ICA1: variants seen among roughly 807,000 people sequenced by gnomAD.
ICA1 encodes islet cell autoantigen 1.
In ICA1, 40 loss-of-function variants were observed where a neutral mutation model predicts 71.0. The ratio of observed to expected loss-of-function variants is 0.56; its 90% confidence interval spans 0.44 to 0.73. The LOEUF is 0.73. ICA1 is among the 30% of genes least tolerant of loss of function. The pLI is 0.00. For synonymous variants in ICA1, 207 were observed against 209.5 expected, an observed-to-expected ratio of 0.99 and a Z score of 0.10; for missense variants, 578 against 576.5, an observed-to-expected ratio of 1.00 and a Z score of -0.03.
At chr7:8,152,654 C>CCACCATCTCCTCCACCACCACT (rs1799445763) in intron 8 of ICA1, among the ~76,000 whole-genome samples, 2 of 97,106 alleles carry the variant, frequency 2.1e-5, no homozygotes, top group East Asian at 2.8e-4. Flanking sequence ...CCACCACCAC[C>CCACCATCTCCTCCACCACCACT]ACCACCACCA....
At chr7:8,160,293 G>A (rs1803284978) in intron 6 of ICA1, among the ~76,000 whole-genome samples, 1 of 152,144 alleles carries the variant, frequency 6.6e-6, no homozygotes, top group African/African-American at 2.4e-5. Context: ...ATTATAGGAT[G>A]TTATATAATA....
chr7:8,167,051 G>A (rs916766074), intron 6 of ICA1, among the ~76,000 whole-genome samples: 1 of 152,160 alleles, frequency 6.6e-6, no homozygotes, highest in African/African-American at 2.4e-5. Context: ...CAGCCTTTGG[G>A]AACAGCAGTT....
chr7:8,125,531 C>G (rs778470853), intron 13 of ICA1, among the ~76,000 whole-genome samples: 2 of 152,256 alleles, frequency 1.3e-5, no homozygotes, highest in African/African-American at 4.8e-5. Flanking sequence ...AGAGCCCCAA[C>G]ACTCCATTAT....
intron 1 of ICA1, among the ~76,000 whole-genome samples, chr7:8,248,669 T>C (rs1007430109): frequency 6.6e-6 from 1 of 152,118 alleles, no homozygotes. Flanking sequence ...TGAGCTGAGA[T>C]CATGCCACTG....
rs140851537 is a variant in ICA1, at chr7:8,158,617, A to G, written c.615T>C (p.Phe205=). 3.1e-6 allele frequency: 5 copies of G among 1,614,112 alleles called. No homozygotes were observed. Among genetic ancestry groups the G allele is most frequent in the Admixed American group, 3.3e-5 (2 of 60,028 alleles). Residue 205 remains phenylalanine (F), a synonymous_variant, in exon 7 of 14, where the codon TTT becomes TTC. Transcript: ENST00000402384. ...QTQVRLAKKN[F]DKLKMDVCQK... is the part of the protein sequence containing the mutation. ...GACAAACATCCATCTTCAATTTGTC[A>G]AAGTTTTTTTTTGCAAGGCGCACTT...
At chr7:8,169,510 T>A (rs1807469798) in intron 6 of ICA1, among the ~76,000 whole-genome samples, 1 of 152,108 alleles carries the variant, frequency 6.6e-6, no homozygotes, top group South Asian at 2.1e-4. Context: ...TTGCTCCACA[T>A]CCTCATTAAC....
At chr7:8,260,571 T>C (rs3823816) in intron 1 of ICA1, among the ~76,000 whole-genome samples, 99,201 of 152,044 alleles carry the variant, frequency 0.65, 33,468 homozygotes, top group African/African-American at 0.83. Context: ...ATTATTTCCC[T>C]TTGTAATACA....
intron 6 of ICA1, among the ~76,000 whole-genome samples, chr7:8,177,475 A>G (rs111757223): frequency 6.6e-6 from 1 of 152,194 alleles, no homozygotes; most frequent in Non-Finnish European, 1.5e-5. Context: ...ATTTCTCTCT[A>G]ATCTGAGAAG....
At chr7:8,121,571 T>C (rs7793383) in intron 13 of ICA1, among the ~76,000 whole-genome samples, 34,415 of 152,066 alleles carry the variant, frequency 0.23, 4,656 homozygotes, top group African/African-American at 0.38. Flanking sequence ...TTCATGGAAA[T>C]AGAAAGTAGA....
At chr7:8,129,840 G>C (rs1194824179) in intron 12 of ICA1, among the ~76,000 whole-genome samples, 17 of 149,916 alleles carry the variant, frequency 1.1e-4, no homozygotes, top group African/African-American at 3.0e-4. Context: ...TCTCCTAATG[G>C]TATCCCTCCC....
chr7:8,248,233 T>C (rs1009486384), intron 1 of ICA1, among the ~76,000 whole-genome samples: 1 of 152,146 alleles, frequency 6.6e-6, no homozygotes, highest in African/African-American at 2.4e-5. Context: ...TGAAACTGAG[T>C]CCAGAGTCGC....
intron 1 of ICA1, among the ~76,000 whole-genome samples, chr7:8,253,319 A>G (rs1808850208): frequency 6.6e-6 from 1 of 152,204 alleles, no homozygotes; most frequent in African/African-American, 2.4e-5. Flanking sequence ...TATTTTTACA[A>G]GTTTAAAAAG....
chr7:8,237,238 A>G (rs1802134774), intron 1 of ICA1, among the ~76,000 whole-genome samples: 2 of 152,190 alleles, frequency 1.3e-5, no homozygotes, highest in Non-Finnish European at 2.9e-5. Context: ...CCCTCCACTC[A>G]GTGCATCATG....
chr7:8,233,467 C>G lies in ICA1; in HGVS notation c.18-712G>C, dbSNP rs145085418. ...GGAGTGCAGTGGCGTGATCTCAGCT[C>G]ACTGCAGCCTCTGCCTTCCAGGTTC... On this transcript the variant is annotated intron_variant, in intron 2 of 13. Coordinates refer to ENST00000402384, the MANE Select transcript of ICA1 (RefSeq NM_001136020.3). 2.1e-3 allele frequency among the ~76,000 whole-genome samples: 325 copies of G among 151,210 alleles called. 5 individuals carry two copies. Among genetic ancestry groups the G allele is most frequent in the East Asian group, 0.011 (56 of 5,126 alleles).
At chr7:8,147,731 AG>A (rs1455127328) in intron 8 of ICA1, among the ~76,000 whole-genome samples, 1 of 133,016 alleles carries the variant, frequency 7.5e-6, no homozygotes, top group Admixed American at 7.4e-5. Flanking sequence ...CACACACACA[AG>A]CTTAACTGAG....
At chr7:8,240,660 C>G (rs963012521) in intron 1 of ICA1, among the ~76,000 whole-genome samples, 6 of 151,984 alleles carry the variant, frequency 3.9e-5, no homozygotes, top group Non-Finnish European at 8.8e-5. Flanking sequence ...AGCTAAAAAC[C>G]TTGAAAAAAA....
Position 8,128,089 on chromosome 7 carries a change from C to G in ICA1, c.1114G>C (p.Asp372His). Residue 372 changes from aspartate to histidine, a missense_variant, in exon 13 of 14, where the codon GAC becomes CAC. By Grantham distance (81) the Asp-to-His change is moderately conservative. Coordinates refer to ENST00000402384, the MANE Select transcript of ICA1 (RefSeq NM_001136020.3). ...AAGATCTCACTCAACAGCAGCAGGT[C>G]ATCTTTGTCAGCACCTTCAGGTTCC... is the stretch of plus-strand genomic sequence containing the variant. ...TPEPEGADKD[D>H]LLLLSEIFNA... The G allele has an allele frequency of 6.2e-7, 1 of 1,614,198 alleles. No individual in the cohort carries two copies. Among genetic ancestry groups the G allele is most frequent in the Non-Finnish European group, 8.5e-7 (1 of 1,180,040 alleles).
intron 1 of ICA1, among the ~76,000 whole-genome samples, chr7:8,253,995 T>A (rs1751796678): frequency 6.6e-6 from 1 of 152,202 alleles, no homozygotes; most frequent in Non-Finnish European, 1.5e-5. Context: ...TCCTTTAAGA[T>A]TAAATTCATA....
chr7:8,255,361 C>T (rs1809715375), intron 1 of ICA1, among the ~76,000 whole-genome samples: 1 of 152,296 alleles, frequency 6.6e-6, no homozygotes, highest in Admixed American at 6.5e-5. Context: ...TGCTCCTCTT[C>T]CTCTACTTTT....
Sources: allele counts gnomAD v4.1 joint callset (sites outside exome capture counted in the v4.1 genomes callset), GRCh38; gene constraint gnomAD v4.1.1; transcripts MANE v1.5; gene names NCBI Gene and HGNC (gene_info 2026-07-23, HGNC 2026-07-21).